SLC25A21: variants seen among roughly 807,000 people sequenced by gnomAD.
SLC25A21 encodes the protein mitochondrial 2-oxodicarboxylate carrier.
SLC25A21 carries 47 observed loss-of-function variants against 43.8 expected under a neutral mutation model. The observed-to-expected ratio is 1.07, with a 90% CI of 0.85 to 1.37. The LOEUF (loss-of-function observed/expected upper bound fraction) is 1.37. Ranked by LOEUF, SLC25A21 falls within the 40% of genes most tolerant of loss-of-function variation. The pLI is 0.00. For synonymous variants in SLC25A21, 131 were observed against 121.3 expected (o/e 1.08, Z -0.52); for missense variants, 352 against 350.2 (o/e 1.00, Z -0.04).
At chr14:37,007,713 G>C (rs1416218561) in intron 1 of SLC25A21, among the ~76,000 whole-genome samples, 2 of 151,898 alleles carry the variant, frequency 1.3e-5, no homozygotes, top group African/African-American at 4.8e-5. Context: ...CATCGATCTT[G>C]ATATTATTGG....
intron 6 of SLC25A21, among the ~76,000 whole-genome samples, chr14:36,713,781 C>T (rs1883995047): frequency 6.6e-6 from 1 of 151,976 alleles, no homozygotes; most frequent in Admixed American, 6.6e-5. Flanking sequence ...CCCAGGAGTT[C>T]AAGACCAGCC....
chr14:37,064,758 C>CAAGAG (rs1377758253), intron 1 of SLC25A21, among the ~76,000 whole-genome samples: 1 of 152,178 alleles, frequency 6.6e-6, no homozygotes, highest in Non-Finnish European at 1.5e-5. Context: ...TCCTATTTCA[C>CAAGAG]TTCCAGGTTG....
At chr14:37,120,424 G>C (rs1397962242) in intron 1 of SLC25A21, among the ~76,000 whole-genome samples, 1 of 152,146 alleles carries the variant, frequency 6.6e-6, no homozygotes, top group Non-Finnish European at 1.5e-5. Context: ...TGACCAAAGG[G>C]GACTTACTTC....
At chr14:36,970,680 A>C (rs766092124) in intron 1 of SLC25A21, among the ~76,000 whole-genome samples, 8 of 152,162 alleles carry the variant, frequency 5.3e-5, no homozygotes, top group Non-Finnish European at 1.0e-4. Context: ...ACTAGCATTA[A>C]GTTCTAAGAT....
chr14:37,011,830 C>A (rs576163166), intron 1 of SLC25A21, among the ~76,000 whole-genome samples: 3 of 152,286 alleles, frequency 2.0e-5, no homozygotes, highest in African/African-American at 7.2e-5. Flanking sequence ...TTGGCTAGAG[C>A]ATTCCGAGCA....
In SLC25A21 at chr14:37,043,945, T is replaced by TC. The variant is rs1219349532; in HGVS notation, c.70+128335_70+128336insG. On this transcript the variant is annotated intron_variant, in intron 1 of 9. Coordinates refer to ENST00000331299, the MANE Select transcript of SLC25A21 (RefSeq NM_030631.4). The stretch of plus-strand genomic sequence containing the variant: ...TGTTTGTTTTATGTTTTTTTGTTTT[T>TC]TTTTTTTTTTTTGGTGGAGACATGG... Among the ~76,000 whole-genome samples the TC allele has an allele frequency of 8.5e-4, 127 of 149,126 alleles. 1 individual carries two copies. The highest frequency in any genetic ancestry group is 2.5e-3 in the South Asian group (12 of 4,772).
intron 1 of SLC25A21, among the ~76,000 whole-genome samples, chr14:36,982,332 T>C (rs1418994613): frequency 6.6e-6 from 1 of 152,234 alleles, no homozygotes; most frequent in Non-Finnish European, 1.5e-5. Context: ...AATGTGAACA[T>C]TCCTTAATGA....
chr14:37,042,972 G>A (rs545599173), intron 1 of SLC25A21, among the ~76,000 whole-genome samples: 7 of 152,278 alleles, frequency 4.6e-5, no homozygotes, highest in African/African-American at 1.4e-4. Flanking sequence ...ATTCAGGACA[G>A]ACAGCATCAC....
At chr14:37,118,261 G>A (rs117369241) in intron 1 of SLC25A21, among the ~76,000 whole-genome samples, 2,115 of 152,084 alleles carry the variant, frequency 0.014, 30 homozygotes, top group Non-Finnish European at 0.02. Context: ...GACAACTGAT[G>A]GCTCCACCCA....
rs542465042 is a variant in SLC25A21, at chr14:36,839,257, A to G, written c.120-25256T>C. ...ACACACTTAACTCATCTCTGAAACCAAATTTCAGAAGCAAGTAACATTTGC... is the reference window on the plus strand; with the variant it reads ...ACACACTTAACTCATCTCTGAAACCGAATTTCAGAAGCAAGTAACATTTGC... On this transcript the variant is annotated intron_variant, in intron 2 of 9. Coordinates refer to ENST00000331299, the MANE Select transcript of SLC25A21 (RefSeq NM_030631.4). 7.2e-5 allele frequency among the ~76,000 whole-genome samples: 11 copies of G among 152,356 alleles called. No homozygotes were observed. The South Asian group carries it at 1.9e-3, about 26-fold the overall frequency.
Position 36,711,577 on chromosome 14 carries a change from A to T in SLC25A21, c.439-95T>A, listed in dbSNP as rs569905186. The stretch of plus-strand genomic sequence containing the variant: ...AACTTCCCTTCAAGCCAGAATTATT[A>T]GGGACTTTTTTCCCCCAGATATGAA... On this transcript the variant is annotated intron_variant, in intron 6 of 9. Coordinates refer to ENST00000331299, the MANE Select transcript of SLC25A21 (RefSeq NM_030631.4). The T allele has an allele frequency of 2.1e-5, 29 of 1,376,202 alleles. No homozygotes were observed. In the African/African-American group the frequency reaches 4.1e-4, roughly 19 times the overall value. The allele number at this position is 1,376,202 out of a possible 1,614,324, so 85.2% of individuals were successfully genotyped here.
rs898041321 is a variant in SLC25A21 at position 37,149,204 on chromosome 14, T to C, written c.70+23077A>G. Among the ~76,000 whole-genome samples the C allele has an allele frequency of 2.6e-5, 4 of 152,172 alleles. No homozygotes were observed. In the South Asian group the frequency reaches 6.2e-4, roughly 24 times the overall value. ...CTCTTTTTCTTCCCTTCCTTGCTTC[T>C]TGTTGAACTTCTAATCTCCAGCTAT... is the stretch of plus-strand genomic sequence containing the variant. On this transcript the variant is annotated intron_variant, in intron 1 of 9. Transcript: ENST00000331299.
chr14:37,039,489 C>T (rs973847508), intron 1 of SLC25A21, among the ~76,000 whole-genome samples: 3 of 152,174 alleles, frequency 2.0e-5, no homozygotes, highest in African/African-American at 7.2e-5. Context: ...TTTCATTTCC[C>T]TAAACTTTAC....
intron 1 of SLC25A21, among the ~76,000 whole-genome samples, chr14:37,060,077 C>T (rs1352767332): frequency 3.3e-5 from 5 of 151,744 alleles, no homozygotes; most frequent in African/African-American, 1.2e-4. Flanking sequence ...AAAATCCTAG[C>T]CCCTTTAAAA....
intron 1 of SLC25A21, among the ~76,000 whole-genome samples, chr14:36,894,517 T>C (rs1206157361): frequency 6.6e-6 from 1 of 152,076 alleles, no homozygotes; most frequent in Non-Finnish European, 1.5e-5. Flanking sequence ...TTTTCCTAAT[T>C]GAATACCCTT....
chr14:37,091,735 T>A (rs1841947789), intron 1 of SLC25A21, among the ~76,000 whole-genome samples: 3 of 152,198 alleles, frequency 2.0e-5, no homozygotes, highest in Admixed American at 2.0e-4. Flanking sequence ...AATTCACAAA[T>A]ATGATATCTG....
At chr14:36,702,927 C>T (rs1007542811) in intron 7 of SLC25A21, among the ~76,000 whole-genome samples, 4 of 152,210 alleles carry the variant, frequency 2.6e-5, no homozygotes, top group Admixed American at 6.5e-5. Flanking sequence ...ACCCCCTCCC[C>T]GCTACATATC....
At chr14:36,734,436 T>C in intron 4 of SLC25A21, 71 bp downstream of exon 4, 1 of 1,070,140 alleles carries the variant, frequency 9.3e-7, no homozygotes, top group East Asian at 2.7e-5. Flanking sequence ...TTTTAATGTC[T>C]TAAGAGTTTG....
chr14:37,153,933 G>A (rs1594820919), intron 1 of SLC25A21, among the ~76,000 whole-genome samples: 1 of 152,050 alleles, frequency 6.6e-6, no homozygotes, highest in East Asian at 1.9e-4. Flanking sequence ...CACCACTCAG[G>A]ACCCAGAGAA....
Sources: allele counts gnomAD v4.1 joint callset (sites outside exome capture counted in the v4.1 genomes callset), GRCh38; gene constraint gnomAD v4.1.1; transcripts MANE v1.5; gene names NCBI Gene and HGNC (gene_info 2026-07-23, HGNC 2026-07-21).